The following TENM1 variants were observed in gnomAD, a reference collection of about 807,000 sequenced individuals.
TENM1 encodes teneurin transmembrane protein 1, also known as teneurin-1.
In TENM1, 35 loss-of-function variants were observed where a neutral mutation model predicts 174.8. The observed-to-expected ratio is 0.20, with a 90% CI of 0.15 to 0.27. The LOEUF (loss-of-function observed/expected upper bound fraction) is 0.27. Among genes scored for constraint, TENM1 ranks in the 10% least tolerant of loss-of-function variants. The pLI, the probability that TENM1 is intolerant of heterozygous loss-of-function variation, is 1.00. For missense variants in TENM1, 1,633 were observed against 2,130.1 expected (o/e 0.77, Z 4.59); for synonymous variants, 781 against 798.7 (o/e 0.98, Z 0.37).
chrX:124,891,287 A>T (rs141884640), intron 3 of TENM1, among the ~76,000 whole-genome samples: 57 of 111,622 alleles, frequency 5.1e-4, no homozygotes, highest in Non-Finnish European at 9.0e-4. Context: ...ATTTTAAAAT[A>T]ACTAAAATAT....
the TENM1 span, among the ~76,000 whole-genome samples, chrX:125,171,205 A>G: frequency 1.8e-5 from 2 of 110,482 alleles, no homozygotes; most frequent in East Asian, 2.9e-4. Context: ...ACAATTTTTA[A>G]CATATAATGT....
chrX:125,173,745 A>C, the TENM1 span, among the ~76,000 whole-genome samples: 1 of 111,603 alleles, frequency 9.0e-6, no homozygotes, highest in Non-Finnish European at 1.9e-5. Flanking sequence ...GGATGCACAC[A>C]TGCAAGAAAG....
the TENM1 span, among the ~76,000 whole-genome samples, chrX:125,164,151 C>T: frequency 9.0e-6 from 1 of 111,699 alleles, no homozygotes; most frequent in African/African-American, 3.3e-5. Context: ...AATTTCAAAA[C>T]AACTAGTTAC....
chrX:124,512,673 C>CA (rs3216399), intron 18 of TENM1, among the ~76,000 whole-genome samples: 4 of 110,752 alleles, frequency 3.6e-5, no homozygotes, highest in Admixed American at 9.5e-5. Context: ...TGTTTCCTTA[C>CA]AAAAAAATGG....
intron 22 of TENM1, among the ~76,000 whole-genome samples, chrX:124,458,167 T>G (rs146182977): frequency 4.5e-5 from 5 of 111,995 alleles, no homozygotes; most frequent in Non-Finnish European, 9.4e-5. Context: ...TCTCTGAAAA[T>G]TGGTACTATA....
chrX:124,848,906 AG>A (rs2056663985), intron 3 of TENM1, among the ~76,000 whole-genome samples: 1 of 111,745 alleles, frequency 8.9e-6, no homozygotes, highest in African/African-American at 3.2e-5. Context: ...ACCTCTGGAT[AG>A]GGGAAGGGGT....
the TENM1 span, among the ~76,000 whole-genome samples, chrX:125,075,885 GTCT>G: frequency 0.37 from 40,092 of 109,352 alleles, 7,737 homozygotes; most frequent in African/African-American, 0.74. Flanking sequence ...TTTCCCATGT[GTCT>G]TCCTTTTGTC....
chrX:124,907,506 T>C (rs2057768189), intron 1 of TENM1, among the ~76,000 whole-genome samples: 1 of 112,117 alleles, frequency 8.9e-6, no homozygotes, highest in South Asian at 3.7e-4. Flanking sequence ...CTTAACAGTC[T>C]AGTTGCCTTT....
At chrX:125,194,393 T>C in the TENM1 span, among the ~76,000 whole-genome samples, 3 of 111,274 alleles carry the variant, frequency 2.7e-5, no homozygotes, top group African/African-American at 9.8e-5. Flanking sequence ...TCCTCATAAT[T>C]GGTCACAGTT....
the TENM1 span, among the ~76,000 whole-genome samples, chrX:125,155,534 G>A: frequency 9.1e-6 from 1 of 109,752 alleles, no homozygotes; most frequent in East Asian, 2.9e-4. Context: ...CGCTCGTCGG[G>A]GAGACTCGGG....
At chrX:125,017,548 T>C in the TENM1 span, among the ~76,000 whole-genome samples, 1 of 111,674 alleles carries the variant, frequency 9.0e-6, no homozygotes, top group Non-Finnish European at 1.9e-5. Context: ...TTATAATTCA[T>C]TGTACTATAA....
At chrX:124,680,628 G>C (rs189362778) in intron 5 of TENM1, among the ~76,000 whole-genome samples, 4 of 111,424 alleles carry the variant, frequency 3.6e-5, no homozygotes, top group African/African-American at 1.3e-4. Context: ...TATTTGCTTT[G>C]TGGAGTCAGG....
rs1406836598 is a variant in TENM1 at position 124,471,178 on chromosome X, CTATATAA to C, written c.3949+10547_3949+10553del. Reference sequence around the variant, plus strand: ...ATTATGTCATATATAATATATAGTACTATATAATATATATTATATAATATATAGTACT... The same window carrying C: ...ATTATGTCATATATAATATATAGTACTATATATTATATAATATATAGTACT... On this transcript the variant is annotated intron_variant, in intron 22 of 31. Transcript: ENST00000422452. 1.5e-3 allele frequency among the ~76,000 whole-genome samples: 98 copies of C among 66,389 alleles called. 2 individuals carry two copies. Among genetic ancestry groups the C allele is most frequent in the Middle Eastern group, 0.029 (2 of 68 alleles). The allele number at this position is 66,389 out of a possible 115,157, so 57.7% of individuals were successfully genotyped here. A position where few individuals can be genotyped will look rare whatever the true frequency, so the allele number is the denominator to read the frequency against.
At chrX:124,828,363 C>T (rs1196150726) in intron 3 of TENM1, among the ~76,000 whole-genome samples, 1 of 111,681 alleles carries the variant, frequency 9.0e-6, no homozygotes, top group Non-Finnish European at 1.9e-5. Context: ...TAGCAGTGCC[C>T]GCTCTATGCT....
chrX:125,088,582 A>T, the TENM1 span, among the ~76,000 whole-genome samples: 46 of 111,436 alleles, frequency 4.1e-4, no homozygotes, highest in Non-Finnish European at 8.1e-4. Context: ...TAATTTTTTT[A>T]AAATTTTTTT....
In TENM1 at chrX:124,471,290, AC is replaced by A. The variant is rs1444486428; in HGVS notation, c.3949+10441del. ...TATAGTACTATATATAATATATAGT[AC>A]TATATATTATAATATATAGTACTAT... is the stretch of plus-strand genomic sequence containing the variant. On this transcript the variant is annotated intron_variant, in intron 22 of 31. Coordinates refer to ENST00000422452, the Ensembl canonical transcript of TENM1. Among the ~76,000 whole-genome samples the A allele has an allele frequency of 7.1e-5, 3 of 42,462 alleles. 1 individual carries two copies. The highest frequency in any genetic ancestry group is 1.7e-3 in the South Asian group (1 of 585). The allele number at this position is 42,462 out of a possible 115,157, so 36.9% of individuals were successfully genotyped here.
chrX:124,744,721 C>G (rs760865787), intron 3 of TENM1, among the ~76,000 whole-genome samples: 52 of 111,620 alleles, frequency 4.7e-4, no homozygotes, highest in African/African-American at 1.6e-3. Flanking sequence ...TATTTATTTG[C>G]AGGTAGGTAA....
intron 5 of TENM1, among the ~76,000 whole-genome samples, chrX:124,694,871 G>C (rs1316596681): frequency 9.0e-6 from 1 of 111,407 alleles, no homozygotes; most frequent in Non-Finnish European, 1.9e-5. Flanking sequence ...TTCTCCACCT[G>C]GATTTTTAAG....
intron 1 of TENM1, among the ~76,000 whole-genome samples, chrX:124,952,362 GTGTGTGTA>G (rs1002912451): frequency 9.1e-6 from 1 of 109,895 alleles, no homozygotes; most frequent in African/African-American, 3.3e-5. Flanking sequence ...GTGTGTGTGT[GTGTGTGTA>G]TGTGCATCTG....
Sources: allele counts gnomAD v4.1 joint callset (sites outside exome capture counted in the v4.1 genomes callset), GRCh38; gene constraint gnomAD v4.1.1; transcripts MANE v1.5; gene names NCBI Gene and HGNC (gene_info 2026-07-23, HGNC 2026-07-21).